Variants in HS6ST3 observed in about 807,000 individuals in gnomAD.
The protein encoded by HS6ST3 is heparan sulfate 6-O-sulfotransferase 3.
HS6ST3 carries 12 observed loss-of-function variants against 36.7 expected under a neutral mutation model. That is an observed-to-expected ratio of 0.33 (90% confidence interval 0.21 to 0.53). The LOEUF (loss-of-function observed/expected upper bound fraction) is 0.53. HS6ST3 is among the 20% of genes least tolerant of loss of function. The pLI, the probability that HS6ST3 is intolerant of heterozygous loss-of-function variation, is 0.95. For missense variants in HS6ST3, 584 were observed against 640.9 expected, an observed-to-expected ratio of 0.91 and a Z score of 0.96; for synonymous variants, 240 against 257.5, an observed-to-expected ratio of 0.93 and a Z score of 0.65.
chr13:96,726,232 G>T (rs1394941555), intron 1 of HS6ST3, among the ~76,000 whole-genome samples: 1 of 152,150 alleles, frequency 6.6e-6, no homozygotes, highest in East Asian at 1.9e-4. Context: ...ATTTCCATAT[G>T]AATTTTAGAA....
intron 1 of HS6ST3, among the ~76,000 whole-genome samples, chr13:96,674,622 C>T (rs1027141674): frequency 2.0e-5 from 3 of 152,066 alleles, no homozygotes; most frequent in Non-Finnish European, 2.9e-5. Flanking sequence ...CTCACATGGA[C>T]TCGTTGTTGT....
At chr13:96,793,406 C>T (rs1419700496) in intron 1 of HS6ST3, among the ~76,000 whole-genome samples, 2 of 152,002 alleles carry the variant, frequency 1.3e-5, no homozygotes, top group Non-Finnish European at 2.9e-5. Flanking sequence ...AGAGGCTAGA[C>T]GTCTATAAAC....
intron 1 of HS6ST3, among the ~76,000 whole-genome samples, chr13:96,689,504 A>C (rs1874877345): frequency 6.6e-6 from 1 of 151,974 alleles, no homozygotes; most frequent in Non-Finnish European, 1.5e-5. Flanking sequence ...GGGCAGGTGC[A>C]TCATGGCTTA....
chr13:96,753,372 G>C (rs1479482110), intron 1 of HS6ST3, among the ~76,000 whole-genome samples: 1 of 152,082 alleles, frequency 6.6e-6, no homozygotes, highest in Non-Finnish European at 1.5e-5. Context: ...TCTTCACATA[G>C]TTATGACTTC....
intron 1 of HS6ST3, among the ~76,000 whole-genome samples, chr13:96,417,791 G>A (rs1207737026): frequency 2.7e-5 from 4 of 149,400 alleles, no homozygotes; most frequent in Non-Finnish European, 4.4e-5. Context: ...TCACGGTAAC[G>A]ATGTTCTATA....
At chr13:96,142,706 G>A (rs927311880) in intron 1 of HS6ST3, among the ~76,000 whole-genome samples, 1 of 152,108 alleles carries the variant, frequency 6.6e-6, no homozygotes. Context: ...GTTTAGAAAT[G>A]TGGTAAACAT....
At chr13:96,529,746 A>G (rs1159343000) in intron 1 of HS6ST3, among the ~76,000 whole-genome samples, 3 of 152,192 alleles carry the variant, frequency 2.0e-5, no homozygotes, top group Non-Finnish European at 2.9e-5. Context: ...GGGCTAAATC[A>G]CATTGTATTT....
intron 1 of HS6ST3, among the ~76,000 whole-genome samples, chr13:96,498,838 T>C (rs2055989863): frequency 6.6e-6 from 1 of 152,174 alleles, no homozygotes; most frequent in South Asian, 2.1e-4. Flanking sequence ...TTAAATCTTT[T>C]CCCTGTCATA....
chr13:96,691,778 A>G (rs1381061519), intron 1 of HS6ST3, among the ~76,000 whole-genome samples: 1 of 152,122 alleles, frequency 6.6e-6, no homozygotes, highest in Non-Finnish European at 1.5e-5. Flanking sequence ...TAACTCTTAC[A>G]TGAGTGCTTG....
At chr13:96,397,526 A>G (rs1009232566) in intron 1 of HS6ST3, among the ~76,000 whole-genome samples, 10 of 152,154 alleles carry the variant, frequency 6.6e-5, no homozygotes, top group African/African-American at 2.2e-4. Flanking sequence ...TTACATTTCA[A>G]TTTATTTATG....
At chr13:96,360,391 C>G (rs190874441) in intron 1 of HS6ST3, among the ~76,000 whole-genome samples, 2 of 152,024 alleles carry the variant, frequency 1.3e-5, no homozygotes, top group East Asian at 3.9e-4. Flanking sequence ...TTGAATCCCT[C>G]TAGGGATTGT....
At chr13:96,664,455 AT>A (rs1180852447) in intron 1 of HS6ST3, among the ~76,000 whole-genome samples, 1 of 152,266 alleles carries the variant, frequency 6.6e-6, no homozygotes, top group East Asian at 1.9e-4. Context: ...ATCCAAGCCA[AT>A]ATAGATCAAA....
intron 1 of HS6ST3, among the ~76,000 whole-genome samples, chr13:96,673,765 G>A (rs2056689971): frequency 6.6e-6 from 1 of 152,112 alleles, no homozygotes; most frequent in Middle Eastern, 3.4e-3. Flanking sequence ...ATATTAAAAT[G>A]TTATTATCTA....
At chr13:96,570,747 A>G (rs1446514055) in intron 1 of HS6ST3, among the ~76,000 whole-genome samples, 1 of 152,240 alleles carries the variant, frequency 6.6e-6, no homozygotes, top group Non-Finnish European at 1.5e-5. Context: ...ATGACAAGGA[A>G]TAACACAGTG....
At chr13:96,179,839 A>G (rs1481362030) in intron 1 of HS6ST3, among the ~76,000 whole-genome samples, 1 of 151,568 alleles carries the variant, frequency 6.6e-6, no homozygotes, top group Non-Finnish European at 1.5e-5. Flanking sequence ...TATTCTATTT[A>G]TTTATTTAGA....
chr13:96,175,449 A>G (rs2054207914), intron 1 of HS6ST3, among the ~76,000 whole-genome samples: 1 of 151,526 alleles, frequency 6.6e-6, no homozygotes, highest in South Asian at 2.1e-4. Flanking sequence ...TTTCTGTTTG[A>G]CACTTGCTGG....
At chr13:96,636,290 C>A (rs1481820967) in intron 1 of HS6ST3, among the ~76,000 whole-genome samples, 1 of 152,154 alleles carries the variant, frequency 6.6e-6, no homozygotes, top group East Asian at 1.9e-4. Flanking sequence ...CACATTTGTA[C>A]AGAAATTGGT....
chr13:96,367,929 A>G (rs914931637), intron 1 of HS6ST3, among the ~76,000 whole-genome samples: 2 of 152,150 alleles, frequency 1.3e-5, no homozygotes, highest in African/African-American at 2.4e-5. Context: ...GTTTCTTTTG[A>G]TAGCTCAATG....
chr13:96,544,563 T>C (rs571978094), intron 1 of HS6ST3, among the ~76,000 whole-genome samples: 1 of 152,300 alleles, frequency 6.6e-6, no homozygotes, highest in Non-Finnish European at 1.5e-5. Context: ...CTTGAACAGA[T>C]CTGTAAAATG....
Sources: allele counts gnomAD v4.1 joint callset (sites outside exome capture counted in the v4.1 genomes callset), GRCh38; gene constraint gnomAD v4.1.1; transcripts MANE v1.5; gene names NCBI Gene and HGNC (gene_info 2026-07-23, HGNC 2026-07-21).